Variants in SDC2 observed in about 807,000 individuals in gnomAD.
SDC2 encodes the protein syndecan-2.
Under a neutral mutation model 22.2 loss-of-function variants are expected in SDC2, and 13 were observed. That is an observed-to-expected ratio of 0.59 (90% CI 0.38 to 0.93). The LOEUF is 0.93. Ranked by LOEUF, SDC2 falls within the 40% of genes least tolerant of loss-of-function variation. The probability of loss-of-function intolerance (pLI) is 0.00; values close to 1 mark genes in which losing one functional copy is unlikely to be tolerated. For synonymous variants in SDC2, 94 were observed against 92.8 expected, an observed-to-expected ratio of 1.01 and a Z score of -0.07; for missense variants, 235 against 246.8, an observed-to-expected ratio of 0.95 and a Z score of 0.32.
At chr8:96,573,456 C>T (rs909850051) in intron 1 of SDC2, among the ~76,000 whole-genome samples, 10 of 151,790 alleles carry the variant, frequency 6.6e-5, no homozygotes, top group Admixed American at 2.6e-4. Context: ...CTAATACCTG[C>T]GGCGTTGGAT....
At chr8:96,598,611 C>T (rs10097440) in intron 2 of SDC2, among the ~76,000 whole-genome samples, 27,085 of 151,762 alleles carry the variant, frequency 0.18, 2,752 homozygotes, top group African/African-American at 0.28. Flanking sequence ...AGCAAAATTC[C>T]ATCTCAAAAT....
chr8:96,532,435 T>C (rs917075255), intron 1 of SDC2, among the ~76,000 whole-genome samples: 2 of 140,468 alleles, frequency 1.4e-5, no homozygotes, highest in Non-Finnish European at 1.6e-5. Flanking sequence ...TTTTTTTTTT[T>C]GGTAGGGCTT....
chr8:96,580,043 A>G (rs191822887), intron 1 of SDC2, among the ~76,000 whole-genome samples: 14 of 152,336 alleles, frequency 9.2e-5, no homozygotes, highest in African/African-American at 3.4e-4. Flanking sequence ...TTTAAAAAGA[A>G]CAATCTGTAT....
At chr8:96,558,349 G>C (rs536375652) in intron 1 of SDC2, among the ~76,000 whole-genome samples, 1 of 152,056 alleles carries the variant, frequency 6.6e-6, no homozygotes, top group Non-Finnish European at 1.5e-5. Flanking sequence ...GTTTTGTGGC[G>C]TGCAGCTGAT....
chr8:96,494,377 A>T (rs1278773278), intron 1 of SDC2, 46 bp downstream of exon 1: 10 of 1,526,724 alleles, frequency 6.5e-6, no homozygotes, highest in Admixed American at 2.0e-5. Flanking sequence ...AGGGTGTTTG[A>T]AGCTACGAGA....
At chr8:96,508,327 A>AATAATG (rs1813277044) in intron 1 of SDC2, among the ~76,000 whole-genome samples, 2 of 105,746 alleles carry the variant, frequency 1.9e-5, no homozygotes, top group African/African-American at 6.7e-5. Context: ...TAATAATAAT[A>AATAATG]ATAATAATAA....
Position 96,518,088 on chromosome 8 carries a change from G to T in SDC2, c.60+23757G>T, listed in dbSNP as rs141651692. 5.9e-5 allele frequency among the ~76,000 whole-genome samples: 9 copies of T among 152,050 alleles called. No homozygotes were observed. The East Asian group carries it at 1.4e-3, about 23-fold the overall frequency. Reference sequence around the variant, plus strand: ...TGCATTTTAGATATCTCTAGTCCTTGGCCTAGCCCTGACAGTGAGGTCTTG... The same window carrying T: ...TGCATTTTAGATATCTCTAGTCCTTTGCCTAGCCCTGACAGTGAGGTCTTG... On this transcript the variant is annotated intron_variant, in intron 1 of 4. Coordinates refer to ENST00000302190, the MANE Select transcript of SDC2 (RefSeq NM_002998.4).
chr8:96,507,554 A>T (rs1209172700), intron 1 of SDC2, among the ~76,000 whole-genome samples: 1 of 152,210 alleles, frequency 6.6e-6, no homozygotes, highest in Non-Finnish European at 1.5e-5. Context: ...AGACCCAGAG[A>T]CTGAAATAGA....
intron 1 of SDC2, among the ~76,000 whole-genome samples, chr8:96,586,731 A>G (rs1485215936): frequency 6.6e-6 from 1 of 152,148 alleles, no homozygotes; most frequent in African/African-American, 2.4e-5. Context: ...ATGTGATTCT[A>G]CCTTCATGTA....
intron 1 of SDC2, among the ~76,000 whole-genome samples, chr8:96,546,844 C>G (rs890379492): frequency 3.9e-5 from 6 of 152,198 alleles, no homozygotes; most frequent in African/African-American, 1.4e-4. Flanking sequence ...ATGCTTCAGT[C>G]TCTGGCTTCT....
At chr8:96,500,661 CAA>C (rs56672989) in intron 1 of SDC2, among the ~76,000 whole-genome samples, 51 of 73,624 alleles carry the variant, frequency 6.9e-4, no homozygotes, top group East Asian at 5.6e-3. Flanking sequence ...GACTCCATCT[CAA>C]AAAAAAAAAA....
At chr8:96,575,756 C>CT (rs1210052464) in intron 1 of SDC2, among the ~76,000 whole-genome samples, 4 of 152,108 alleles carry the variant, frequency 2.6e-5, no homozygotes, top group African/African-American at 9.7e-5. Flanking sequence ...ATGTTTACCT[C>CT]TAATTTTGTT....
chr8:96,518,765 C>G (rs903845109), intron 1 of SDC2, among the ~76,000 whole-genome samples: 8 of 152,098 alleles, frequency 5.3e-5, no homozygotes, highest in Non-Finnish European at 1.2e-4. Context: ...TTTAATTGTT[C>G]ACAGCTGGTG....
At chr8:96,580,633 C>A in intron 1 of SDC2, 1 of 576,426 alleles carries the variant, frequency 1.7e-6, no homozygotes, top group Non-Finnish European at 2.2e-6. Context: ...CCTCACAGGG[C>A]ATGGGACAGG....
intron 1 of SDC2, among the ~76,000 whole-genome samples, chr8:96,589,310 C>T (rs945322094): frequency 1.3e-5 from 2 of 152,156 alleles, no homozygotes; most frequent in African/African-American, 4.8e-5. Flanking sequence ...GTAGAGGAAG[C>T]AGCAGCAGCA....
chr8:96,532,412 GTTTTTT>G (rs35452131), intron 1 of SDC2, among the ~76,000 whole-genome samples: 30 of 47,944 alleles, frequency 6.3e-4, no homozygotes, highest in Admixed American at 2.2e-3. Flanking sequence ...TTATTGAGGC[GTTTTTT>G]TTTTTTTTTT....
intron 1 of SDC2, among the ~76,000 whole-genome samples, chr8:96,545,958 C>T (rs1198032723): frequency 6.6e-6 from 1 of 152,218 alleles, no homozygotes; most frequent in African/African-American, 2.4e-5. Flanking sequence ...GCTGCATAAT[C>T]CCCTGAGGTG....
At chr8:96,527,804 C>T (rs559926564) in intron 1 of SDC2, among the ~76,000 whole-genome samples, 6 of 152,198 alleles carry the variant, frequency 3.9e-5, no homozygotes, top group Non-Finnish European at 7.4e-5. Context: ...AAGGGATCTG[C>T]GCATATAGTT....
intron 1 of SDC2, among the ~76,000 whole-genome samples, chr8:96,548,701 T>C (rs909375648): frequency 2.6e-5 from 4 of 152,204 alleles, no homozygotes; most frequent in Non-Finnish European, 5.9e-5. Context: ...GAGGAGCTCC[T>C]AGAAGTAGCT....
Sources: allele counts gnomAD v4.1 joint callset (sites outside exome capture counted in the v4.1 genomes callset), GRCh38; gene constraint gnomAD v4.1.1; transcripts MANE v1.5; gene names NCBI Gene and HGNC (gene_info 2026-07-23, HGNC 2026-07-21).